The following CPNE7 variants were observed in gnomAD, a reference collection of about 807,000 sequenced individuals.
CPNE7 encodes copine 7, also known as copine-7.
In CPNE7, 78 loss-of-function variants were observed where a neutral mutation model predicts 66.5. That is an observed-to-expected ratio of 1.17 (90% CI 0.98 to 1.42). The LOEUF is 1.42. Among genes scored for constraint, CPNE7 ranks in the 40% most tolerant of loss-of-function variants. The pLI is 0.00. For synonymous variants in CPNE7, 468 were observed against 336.7 expected (o/e 1.39, Z -4.27); for missense variants, 1,012 against 776.6 (o/e 1.30, Z -3.60).
At chr16:89,576,532 G>T (rs2058862727) in intron 1 of CPNE7, among the ~76,000 whole-genome samples, 1 of 152,166 alleles carries the variant, frequency 6.6e-6, no homozygotes. Context: ...CGGGGCTCCC[G>T]CTCCAACGTG....
At chr16:89,580,810 C>T (rs926195377) in intron 2 of CPNE7, among the ~76,000 whole-genome samples, 5 of 149,314 alleles carry the variant, frequency 3.3e-5, no homozygotes, top group African/African-American at 1.3e-4. Context: ...AACATCCCGT[C>T]ACCTGTAACA....
Position 89,585,786 on chromosome 16 carries a change from G to C in CPNE7, c.780+1G>C. ...GCAGAAGGCCTTTGAGGAGGGGCAG[G>C]TGAGCAGGACGGGGTAGGGGGTCCT... On this transcript the variant is annotated splice_donor_variant, in intron 7 of 14. Transcript: ENST00000319518. LOFTEE classifies it high-confidence loss of function. 8.0e-6 allele frequency: 12 copies of C among 1,493,588 alleles called. No individual in the cohort carries two copies. The highest frequency in any genetic ancestry group is 1.1e-5 in the Non-Finnish European group (12 of 1,115,540). The allele number at this position is 1,493,588 out of a possible 1,614,324, so 92.5% of individuals were successfully genotyped here. A position where few individuals can be genotyped will look rare whatever the true frequency, so the allele number is the denominator to read the frequency against.
At position 89,587,033 on chromosome 16, in the gene CPNE7, C is replaced by T. The variant is rs371392385; in HGVS notation, c.868-10C>T. 3.6e-5 allele frequency: 57 copies of T among 1,574,862 alleles called. No individual in the cohort carries two copies. The highest frequency in any genetic ancestry group is 2.7e-4 in the Admixed American group (15 of 54,772). Reference sequence around the variant, plus strand: ...TGGCGGGGGTGGACGCTGACTCCGCCGGCCGGAAGTTCCACAGGGTGTACT... The same window carrying T: ...TGGCGGGGGTGGACGCTGACTCCGCTGGCCGGAAGTTCCACAGGGTGTACT... On this transcript the variant is annotated splice_polypyrimidine_tract_variant and intron_variant, in intron 8 of 14. Coordinates refer to ENST00000319518, the MANE Select transcript of CPNE7 (RefSeq NM_153636.3).
rs928289207 is a variant in CPNE7 at position 89,593,256 on chromosome 16, C to T, written c.1302+1996C>T. ...TATTTTTAATTTATACAGATAGTAT[C>T]GTGATAAAGACTTTGATGCTTTTTA... On this transcript the variant is annotated intron_variant, in intron 13 of 14. Transcript: ENST00000319518. Among the ~76,000 whole-genome samples, 7 of 152,186 alleles carry T rather than the reference C, an allele frequency of 4.6e-5. 1 individual carries two copies. The highest frequency in any genetic ancestry group is 6.8e-3 in the Middle Eastern group (2 of 294).
At chr16:89,577,958 A>AT (rs2151425821) in intron 2 of CPNE7, among the ~76,000 whole-genome samples, 2 of 152,320 alleles carry the variant, frequency 1.3e-5, no homozygotes, top group East Asian at 3.9e-4. Flanking sequence ...GAGCGCCTCC[A>AT]TCCTGCCCCA....
In CPNE7 at chr16:89,584,066, G is replaced by A. The variant is rs147558775; in HGVS notation, c.471G>A (p.Val157=). The stretch of plus-strand genomic sequence containing the variant: ...ACATCTCGGGGAACAACGGCTACGT[G>A]GAGCTCTCCTTCCGGGCCAGGAAGC... ...AEDISGNNGY[V]ELSFRARKLD... Residue 157 remains valine (V), a synonymous_variant, in exon 4 of 15, where the codon GTG becomes GTA. Coordinates refer to ENST00000319518, the MANE Select transcript of CPNE7 (RefSeq NM_153636.3). This position sits in a 1 kb window ranked among gnomAD's most constrained non-coding sequence, Gnocchi z 6.0. 4.2e-5 allele frequency: 68 copies of A among 1,612,018 alleles called. No homozygotes were observed. The highest frequency in any genetic ancestry group is 5.3e-5 in the Non-Finnish European group (63 of 1,179,648).
chr16:89,578,557 C>T (rs1170519968), intron 2 of CPNE7, among the ~76,000 whole-genome samples: 2 of 151,704 alleles, frequency 1.3e-5, no homozygotes, highest in African/African-American at 2.4e-5. Context: ...GTCAGGAGTT[C>T]GAGACCAGCC....
intron 1 of CPNE7, among the ~76,000 whole-genome samples, 183 bp downstream of exon 1, chr16:89,576,254 T>C (rs1345533369): frequency 6.7e-6 from 1 of 149,664 alleles, no homozygotes; most frequent in Admixed American, 6.6e-5. Context: ...TGTCCAGAGC[T>C]GTGGGGAGAG....
In CPNE7 at chr16:89,580,272, G is replaced by C. The variant is rs533494270; in HGVS notation, c.357+2551G>C. Among the ~76,000 whole-genome samples, 19 of 117,784 alleles carry C rather than the reference G, an allele frequency of 1.6e-4. 1 individual carries two copies. Among genetic ancestry groups the C allele is most frequent in the African/African-American group, 5.7e-4 (18 of 31,596 alleles). 77.3% of individuals were successfully genotyped at this position (117,784 alleles called of 152,430 possible). On this transcript the variant is annotated intron_variant, in intron 2 of 14. Transcript: ENST00000319518. The stretch of plus-strand genomic sequence containing the variant: ...GAACATCCCATCACCTGCAGACACA[G>C]AACATCTCACCCATCACACGGAACA...
chr16:89,586,838 A>C, intron 8 of CPNE7, 82 bp downstream of exon 8: 3 of 1,336,268 alleles, frequency 2.2e-6, no homozygotes, highest in Non-Finnish European at 3.2e-6. Flanking sequence ...ATGGACCCTC[A>C]ACCAGAGGCC....
intron 10 of CPNE7, 72 bp downstream of exon 10, chr16:89,588,880 C>G: frequency 1.9e-6 from 3 of 1,575,996 alleles, no homozygotes; most frequent in Non-Finnish European, 2.6e-6. Context: ...GCCGTCTTCC[C>G]CCTCACCCCC....
chr16:89,591,061 AG>A lies in CPNE7; in HGVS notation c.1168+5del, dbSNP rs2059160002. ...CCCTGAGGACGATGAGTGTGAAGGT[AG>A]GAGCTCGAGGCAGGCCTGGGGAGGG... On this transcript the variant is annotated splice_donor_region_variant and intron_variant, in intron 12 of 14. Coordinates refer to ENST00000319518, the MANE Select transcript of CPNE7 (RefSeq NM_153636.3). The A allele has an allele frequency of 1.9e-6, 3 of 1,613,372 alleles. No homozygotes were observed. Among genetic ancestry groups the A allele is most frequent in the African/African-American group, 1.3e-5 (1 of 74,904 alleles).
Position 89,585,501 on chromosome 16 carries a change from T to C in CPNE7, c.629T>C (p.Phe210Ser), listed in dbSNP as rs375437368. The C allele has an allele frequency of 6.2e-7, 1 of 1,612,162 alleles. No individual in the cohort carries two copies. Among genetic ancestry groups the C allele is most frequent in the Non-Finnish European group, 8.5e-7 (1 of 1,179,534 alleles). The change falls in exon 6 of 15, where the codon TTC becomes TCC. Residue 210 changes from phenylalanine to serine, a missense_variant. By Grantham distance (155) the Phe-to-Ser change is radical. Coordinates refer to ENST00000319518, the MANE Select transcript of CPNE7 (RefSeq NM_153636.3). The part of the protein sequence containing the change: ...KNNLNPVWEA[F>S]KVSLSSLCSC... ...AACCTGAACCCGGTGTGGGAGGCCT[T>C]CAAAGTCTCTCTGAGTTCCCTCTGC...
Position 89,596,509 on chromosome 16 carries a change from G to A in CPNE7, c.1565G>A (p.Cys522Tyr), listed in dbSNP as rs369628670. The A allele has an allele frequency of 2.5e-6, 4 of 1,609,772 alleles. No homozygotes were observed. The South Asian group carries it at 3.3e-5, about 13-fold the overall frequency. ...GCATCCCCTGCGGCGCTGGCCAAGTGCGTGCTGGCCGAGGTCCCGAAGCAG... is the reference window on the plus strand; with the variant it reads ...GCATCCCCTGCGGCGCTGGCCAAGTACGTGCTGGCCGAGGTCCCGAAGCAG... ...KNASPAALAK[C>Y]VLAEVPKQVV... is the part of the protein sequence containing the mutation. Residue 522 changes from cysteine (C) to tyrosine (Y), a missense_variant, in exon 15 of 15, where the codon TGC becomes TAC. By Grantham distance (194) the Cys-to-Tyr change is radical. Coordinates refer to ENST00000319518, the MANE Select transcript of CPNE7 (RefSeq NM_153636.3).
intron 3 of CPNE7, 34 bp downstream of exon 3, chr16:89,583,805 C>T (rs1456989122): frequency 6.2e-7 from 1 of 1,606,022 alleles, no homozygotes; most frequent in South Asian, 1.1e-5. Context: ...AGCCTGCAGG[C>T]CCTGCTGCTG....
chr16:89,578,804 C>G, intron 2 of CPNE7: 1 of 1,540,514 alleles, frequency 6.5e-7, no homozygotes, highest in South Asian at 1.2e-5. Context: ...GCAGCAGGTC[C>G]TACGGTGGCC....
intron 1 of CPNE7, among the ~76,000 whole-genome samples, chr16:89,576,835 C>T (rs1473522574): frequency 1.3e-5 from 2 of 152,232 alleles, no homozygotes; most frequent in East Asian, 1.9e-4. Flanking sequence ...CGTCTCCGGT[C>T]ATCCACCTTG....
rs2058851307 is a variant in CPNE7 at position 89,575,793 on chromosome 16, G to GCGGCCACGCCTGGGC, written c.-97_-83dup. The GCGGCCACGCCTGGGC allele has an allele frequency of 1.2e-6, 1 of 864,158 alleles. No homozygotes were observed. Among genetic ancestry groups the GCGGCCACGCCTGGGC allele is most frequent in the Admixed American group, 5.7e-5 (1 of 17,458 alleles). The allele number at this position is 864,158 out of a possible 1,614,324, so 53.5% of individuals were successfully genotyped here. A position where few individuals can be genotyped will look rare whatever the true frequency, so the allele number is the denominator to read the frequency against. On this transcript the variant is annotated 5_prime_UTR_variant, in exon 1 of 15. Transcript: ENST00000319518. The stretch of plus-strand genomic sequence containing the variant: ...GCGCCCGGCAGGCGTTCAGGGAAGC[G>GCGGCCACGCCTGGGC]CGGCCACGCCTGGGCCGGCCACCAT...
At position 89,577,686 on chromosome 16, in the gene CPNE7, G is replaced by A. The variant is rs759360639; in HGVS notation, c.322G>A (p.Asp108Asn). The change falls in exon 2 of 15, where the codon GAT (aspartate) becomes AAT (asparagine). Residue 108 changes from aspartate to asparagine, a missense_variant. Asp to Asn is a conservative substitution (Grantham distance 23). Transcript: ENST00000319518. ...GPSGFSCQED[D>N]FLGGMECTLG... ...CAGCGGCTTCAGCTGTCAGGAGGACGATTTCCTGGGGGGCATGGAGTGCAC... is the reference window on the plus strand; with the variant it reads ...CAGCGGCTTCAGCTGTCAGGAGGACAATTTCCTGGGGGGCATGGAGTGCAC... 1.3e-5 allele frequency: 21 copies of A among 1,600,868 alleles called. No individual in the cohort carries two copies. The South Asian group carries it at 1.9e-4, about 15-fold the overall frequency.
Sources: allele counts gnomAD v4.1 joint callset (sites outside exome capture counted in the v4.1 genomes callset), GRCh38; gene constraint gnomAD v4.1.1; non-coding constraint Gnocchi (gnomAD v3.1); transcripts MANE v1.5; gene names NCBI Gene and HGNC (gene_info 2026-07-23, HGNC 2026-07-21).